The following PDK1 variants were observed in gnomAD, a reference collection of about 807,000 sequenced individuals.
PDK1 encodes the protein pyruvate dehydrogenase kinase 1.
PDK1 carries 39 observed loss-of-function variants against 54.2 expected under a neutral mutation model. That is an observed-to-expected ratio of 0.72 (90% CI 0.56 to 0.94). The LOEUF (loss-of-function observed/expected upper bound fraction) is 0.94, where lower values mean the gene tolerates loss of function less well. Ranked by LOEUF, PDK1 falls within the 40% of genes least tolerant of loss-of-function variation. The pLI, the probability that PDK1 is intolerant of heterozygous loss-of-function variation, is 0.00. For missense variants in PDK1, 552 were observed against 566.0 expected, an observed-to-expected ratio of 0.98 and a Z score of 0.25; for synonymous variants, 221 against 207.1, an observed-to-expected ratio of 1.07 and a Z score of -0.58.
chr2:172,634,102 CT>C, the PDK1 span, among the ~76,000 whole-genome samples: 2 of 151,110 alleles, frequency 1.3e-5, no homozygotes, highest in Non-Finnish European at 3.0e-5. Flanking sequence ...TCTCGAACTC[CT>C]GAGAGCTCAG....
chr2:172,640,035 G>A, the PDK1 span, among the ~76,000 whole-genome samples: 3 of 152,214 alleles, frequency 2.0e-5, no homozygotes, highest in Admixed American at 1.3e-4. Context: ...AAACAAATGT[G>A]AGAATATGGA....
the PDK1 span, among the ~76,000 whole-genome samples, chr2:172,706,815 C>CTTG: frequency 6.6e-6 from 1 of 152,148 alleles, no homozygotes; most frequent in African/African-American, 2.4e-5. Context: ...TCTTTTGGTA[C>CTTG]CTCTTTGACA....
At chr2:172,715,085 T>G in the PDK1 span, among the ~76,000 whole-genome samples, 17 of 152,244 alleles carry the variant, frequency 1.1e-4, no homozygotes, top group East Asian at 7.7e-4. Context: ...TACTTGAAAA[T>G]GTAATGTTGA....
the PDK1 span, among the ~76,000 whole-genome samples, chr2:172,644,221 A>G: frequency 6.6e-6 from 1 of 152,226 alleles, no homozygotes; most frequent in African/African-American, 2.4e-5. Context: ...ATGTACCAGA[A>G]AAAAACTTCA....
At chr2:172,643,770 C>T in the PDK1 span, among the ~76,000 whole-genome samples, 5 of 152,180 alleles carry the variant, frequency 3.3e-5, no homozygotes, top group South Asian at 2.1e-4. Context: ...CCTGCCCCAC[C>T]GTGAGAAACT....
At chr2:172,674,573 C>T in the PDK1 span, 2 of 152,460 alleles carry the variant, frequency 1.3e-5, no homozygotes, top group African/African-American at 4.8e-5. Context: ...TGTCCGCCTC[C>T]TCCTCAGGAC....
chr2:172,595,749 T>C, intron 10 of PDK1, 80 bp from the exon 11 acceptor site: 1 of 1,176,786 alleles, frequency 8.5e-7, no homozygotes, highest in Non-Finnish European at 1.2e-6. Flanking sequence ...TGTCGTAACC[T>C]TTTTGCCATT....
At chr2:172,649,330 A>C in the PDK1 span, among the ~76,000 whole-genome samples, 1 of 152,224 alleles carries the variant, frequency 6.6e-6, no homozygotes, top group African/African-American at 2.4e-5. Context: ...CCATCTGTAC[A>C]TCACCATCAT....
chr2:172,700,460 G>A, the PDK1 span, among the ~76,000 whole-genome samples: 1 of 151,332 alleles, frequency 6.6e-6, no homozygotes, highest in Non-Finnish European at 1.5e-5. Context: ...GCAGGGCAGA[G>A]ACGCTCCTCA....
the PDK1 span, among the ~76,000 whole-genome samples, chr2:172,682,836 T>G: frequency 2.0e-5 from 3 of 152,032 alleles, no homozygotes; most frequent in South Asian, 6.2e-4. Context: ...GGTGGTGGCC[T>G]GGAAAAAGGC....
chr2:172,676,416 T>C, the PDK1 span, among the ~76,000 whole-genome samples: 4 of 152,326 alleles, frequency 2.6e-5, no homozygotes, highest in Non-Finnish European at 1.5e-5. Flanking sequence ...AATATCAACA[T>C]GAACAGGAGT....
rs1691048732 is a variant in PDK1, at chr2:172,599,720, A to G, written c.*3751A>G. 2.0e-5 allele frequency: 3 copies of G among 152,200 alleles called. No homozygotes were observed. The highest frequency in any genetic ancestry group is 7.2e-5 in the African/African-American group (3 of 41,456). The allele number at this position is 152,200 out of a possible 1,614,324, so 9.4% of individuals were successfully genotyped here. Reference sequence around the variant, plus strand: ...TGTTCTATTGACATGTTTGGAAAAAAGAATTGAACATATGTACCACCCCCC... The same window carrying G: ...TGTTCTATTGACATGTTTGGAAAAAGGAATTGAACATATGTACCACCCCCC... On this transcript the variant is annotated 3_prime_UTR_variant, in exon 11 of 11. Coordinates refer to ENST00000282077, the MANE Select transcript of PDK1 (RefSeq NM_002610.5).
chr2:172,566,505 C>T (rs1241945207), intron 5 of PDK1, among the ~76,000 whole-genome samples: 4 of 151,716 alleles, frequency 2.6e-5, no homozygotes, highest in Non-Finnish European at 4.4e-5. Flanking sequence ...TGCAGTGAGC[C>T]GAGATAGCGC....
the PDK1 span, among the ~76,000 whole-genome samples, chr2:172,721,416 C>T: frequency 6.6e-6 from 1 of 152,196 alleles, no homozygotes; most frequent in African/African-American, 2.4e-5. Context: ...TCTCAGCTCA[C>T]TGCAACCTCC....
At chr2:172,720,057 T>C in the PDK1 span, among the ~76,000 whole-genome samples, 13 of 151,892 alleles carry the variant, frequency 8.6e-5, no homozygotes, top group African/African-American at 2.9e-4. Context: ...TAGTTAGCAG[T>C]TGAGCAGGTT....
chr2:172,653,697 T>A, the PDK1 span, among the ~76,000 whole-genome samples: 1 of 152,122 alleles, frequency 6.6e-6, no homozygotes, highest in African/African-American at 2.4e-5. Flanking sequence ...GCAATACCAT[T>A]CAGGACATAG....
chr2:172,575,076 A>G (rs1689504218), intron 8 of PDK1, among the ~76,000 whole-genome samples: 2 of 152,294 alleles, frequency 1.3e-5, no homozygotes, highest in South Asian at 4.1e-4. Context: ...TCATGAAAGG[A>G]TGTTCAATTT....
At chr2:172,559,397 G>C (rs1688535520) in intron 2 of PDK1, among the ~76,000 whole-genome samples, 1 of 152,120 alleles carries the variant, frequency 6.6e-6, no homozygotes, top group Admixed American at 6.5e-5. Context: ...GCTAAATTTA[G>C]GATTTATGTT....
At chr2:172,626,325 TA>T in the PDK1 span, among the ~76,000 whole-genome samples, 3 of 151,880 alleles carry the variant, frequency 2.0e-5, no homozygotes, top group East Asian at 1.9e-4. Context: ...TGGGGGTGAT[TA>T]AAAAAAAGGA....
Sources: allele counts gnomAD v4.1 joint callset (sites outside exome capture counted in the v4.1 genomes callset), GRCh38; gene constraint gnomAD v4.1.1; transcripts MANE v1.5; gene names NCBI Gene and HGNC (gene_info 2026-07-23, HGNC 2026-07-21).